NIPSNAP2: variants seen among roughly 807,000 people sequenced by gnomAD.
NIPSNAP2 encodes the protein protein NipSnap homolog 2.
In NIPSNAP2, 42 loss-of-function variants were observed where a neutral mutation model predicts 48.4. The observed-to-expected ratio is 0.87, with a 90% CI of 0.68 to 1.12. The LOEUF (loss-of-function observed/expected upper bound fraction) is 1.12, where lower values mean the gene tolerates loss of function less well. NIPSNAP2 is among the 50% of genes most tolerant of loss of function. The probability of loss-of-function intolerance (pLI) is 0.00; values close to 1 mark genes in which losing one functional copy is unlikely to be tolerated. For missense variants in NIPSNAP2, 314 were observed against 347.3 expected (o/e 0.90, Z 0.76); for synonymous variants, 158 against 126.6 (o/e 1.25, Z -1.67).
chr7:55,970,310 T>C (rs1786993880), intron 1 of NIPSNAP2, among the ~76,000 whole-genome samples: 1 of 130,622 alleles, frequency 7.7e-6, no homozygotes, highest in South Asian at 2.3e-4. Context: ...GACACTTAGA[T>C]TTTTTTTTTT....
chr7:55,994,677 C>T (rs1238470680), intron 7 of NIPSNAP2, among the ~76,000 whole-genome samples: 2 of 152,188 alleles, frequency 1.3e-5, no homozygotes, highest in Non-Finnish European at 2.9e-5. Context: ...TGTGTCACTG[C>T]ACTCCAGCCT....
chr7:55,983,619 G>A (rs1280874616), intron 5 of NIPSNAP2, 109 bp from the exon 6 acceptor site: 30 of 1,073,312 alleles, frequency 2.8e-5, no homozygotes, highest in Admixed American at 8.8e-5. Context: ...GGCCAACTGG[G>A]ACCTGTTGAT....
At chr7:55,987,931 T>G (rs764995898) in intron 7 of NIPSNAP2, among the ~76,000 whole-genome samples, 3 of 152,102 alleles carry the variant, frequency 2.0e-5, no homozygotes, top group Non-Finnish European at 4.4e-5. Flanking sequence ...GGTAAGATGG[T>G]AAATTCAATG....
chr7:55,968,397 T>C (rs1786941541), intron 1 of NIPSNAP2, among the ~76,000 whole-genome samples: 1 of 151,572 alleles, frequency 6.6e-6, no homozygotes, highest in Admixed American at 6.6e-5. Context: ...TTTTTTTTTT[T>C]TTTCCTGAGA....
chr7:55,968,714 G>A (rs1403804100), intron 1 of NIPSNAP2, among the ~76,000 whole-genome samples: 2 of 152,062 alleles, frequency 1.3e-5, no homozygotes, highest in Non-Finnish European at 2.9e-5. Context: ...ACTTTCAAAT[G>A]GTTCAGTAGA....
At position 55,976,043 on chromosome 7, in the gene NIPSNAP2, T is replaced by A. The variant is rs894959090; in HGVS notation, c.93-2083T>A. On this transcript the variant is annotated intron_variant, in intron 1 of 9. Coordinates refer to ENST00000322090, the MANE Select transcript of NIPSNAP2 (RefSeq NM_001483.3). ...AGAGCGAGATTCTCTCAAAAAAGTG[T>A]GTGTGTGTGTGTGTGTGTGTGTGTG... Among the ~76,000 whole-genome samples, 5 of 27,210 alleles carry A rather than the reference T, an allele frequency of 1.8e-4. No homozygotes were observed. In the Admixed American group the frequency reaches 1.9e-3, roughly 10 times the overall value. The allele number at this position is 27,210 out of a possible 152,430, so 17.9% of individuals were successfully genotyped here.
chr7:55,976,104 A>G lies in NIPSNAP2; in HGVS notation c.93-2022A>G, dbSNP rs540176720. Among the ~76,000 whole-genome samples the G allele has an allele frequency of 3.3e-5, 5 of 152,204 alleles. No homozygotes were observed. In the South Asian group the frequency reaches 1.0e-3, roughly 32 times the overall value. On this transcript the variant is annotated intron_variant, in intron 1 of 9. Transcript: ENST00000322090. ...GTTCAGATAGTTCAGAAGGTTATAC[A>G]ATGAAAAGAAAAAACCTTTACTCCC...
chr7:55,995,668 T>C (rs987387447), intron 8 of NIPSNAP2, among the ~76,000 whole-genome samples: 5 of 152,182 alleles, frequency 3.3e-5, no homozygotes, highest in Non-Finnish European at 7.3e-5. Context: ...CCTTTGGCTG[T>C]TGGGCAGAGG....
chr7:55,971,351 T>C lies in NIPSNAP2; in HGVS notation c.92+6650T>C, dbSNP rs78067000. 3.9e-5 allele frequency among the ~76,000 whole-genome samples: 6 copies of C among 152,318 alleles called. No homozygotes were observed. In the East Asian group the frequency reaches 9.6e-4, roughly 24 times the overall value. ...CAAGCAAATGCCACTCAGGTTCTTT[T>C]GTGTGTGCTGTGTTGATTTAGTCTC... is the stretch of plus-strand genomic sequence containing the variant. On this transcript the variant is annotated intron_variant, in intron 1 of 9. Coordinates refer to ENST00000322090, the MANE Select transcript of NIPSNAP2 (RefSeq NM_001483.3).
chr7:55,964,927 C>T (rs897276610), intron 1 of NIPSNAP2: 5 of 200,650 alleles, frequency 2.5e-5, no homozygotes, highest in African/African-American at 9.4e-5. Flanking sequence ...GCGGCTCCAC[C>T]CTCGCCCGGG....
At chr7:55,968,562 A>G (rs890065210) in intron 1 of NIPSNAP2, among the ~76,000 whole-genome samples, 1 of 151,488 alleles carries the variant, frequency 6.6e-6, no homozygotes. Flanking sequence ...ATTTTTTTGT[A>G]TTTTTAATAG....
At chr7:55,969,766 G>A (rs1399774869) in intron 1 of NIPSNAP2, among the ~76,000 whole-genome samples, 13 of 152,054 alleles carry the variant, frequency 8.5e-5, no homozygotes, top group Non-Finnish European at 1.3e-4. Flanking sequence ...GGCGAATCAC[G>A]AGGTCAGGAG....
intron 7 of NIPSNAP2, among the ~76,000 whole-genome samples, chr7:55,992,035 A>G (rs1158612475): frequency 6.6e-6 from 1 of 152,148 alleles, no homozygotes; most frequent in Non-Finnish European, 1.5e-5. Flanking sequence ...CTTAATTTCA[A>G]TAATCAGATT....
chr7:55,987,561 G>A (rs1204376200), intron 7 of NIPSNAP2, among the ~76,000 whole-genome samples: 4 of 152,174 alleles, frequency 2.6e-5, no homozygotes, highest in Admixed American at 1.3e-4. Context: ...CCGGGAGGTG[G>A]AGGTTGCAGT....
In NIPSNAP2 at chr7:55,999,277, G is replaced by T; in HGVS notation, c.*205G>T. 1.7e-6 allele frequency: 1 copy of T among 577,796 alleles called. No homozygotes were observed. Among genetic ancestry groups the T allele is most frequent in the Non-Finnish European group, 3.1e-6 (1 of 327,866 alleles). The allele number at this position is 577,796 out of a possible 1,614,324, so 35.8% of individuals were successfully genotyped here. ...GGACTGATTGTGACAGTGCCTTGTC[G>T]TCCTCTTTGAAACACCCCGTGTTGT... On this transcript the variant is annotated 3_prime_UTR_variant, in exon 10 of 10. Coordinates refer to ENST00000322090, the MANE Select transcript of NIPSNAP2 (RefSeq NM_001483.3).
chr7:55,978,939 TA>T (rs1394714308), intron 3 of NIPSNAP2: 1 of 152,682 alleles, frequency 6.5e-6, no homozygotes, highest in Non-Finnish European at 1.5e-5. Flanking sequence ...ACAGAATTTG[TA>T]AACTTTAAGA....
At chr7:55,998,452 T>C (rs955119136) in intron 9 of NIPSNAP2, among the ~76,000 whole-genome samples, 2 of 149,574 alleles carry the variant, frequency 1.3e-5, no homozygotes, top group African/African-American at 4.9e-5. Context: ...TATGGACTTT[T>C]CCTACCTCCC....
chr7:55,984,796 AT>A (rs533463378), intron 6 of NIPSNAP2, 50 bp from the exon 7 acceptor site: 3,854 of 1,330,848 alleles, frequency 2.9e-3, no homozygotes, highest in Admixed American at 3.8e-3. Flanking sequence ...CTATTTCTGT[AT>A]TTTTTTTTTC....
At position 56,000,146 on chromosome 7, in the gene NIPSNAP2, T is replaced by C. The variant is rs566482272; in HGVS notation, c.*1074T>C. ...ATGTGAATGATTTTCTCAAAGAACA[T>C]AGAAAAGTCAATAAAATCCTCTTAA... is the stretch of plus-strand genomic sequence containing the variant. On this transcript the variant is annotated 3_prime_UTR_variant, in exon 10 of 10. Coordinates refer to ENST00000322090, the MANE Select transcript of NIPSNAP2 (RefSeq NM_001483.3). 6.5e-6 allele frequency: 1 copy of C among 152,672 alleles called. No individual in the cohort carries two copies. Among genetic ancestry groups the C allele is most frequent in the African/African-American group, 2.4e-5 (1 of 41,576 alleles). 9.5% of individuals were successfully genotyped at this position (152,672 alleles called of 1,614,324 possible). A position where few individuals can be genotyped will look rare whatever the true frequency, so the allele number is the denominator to read the frequency against.
Sources: gnomAD v4.1 joint callset for allele counts (sites outside exome capture counted in the v4.1 genomes callset) on GRCh38, gnomAD v4.1.1 for gene constraint, MANE v1.5 for transcripts, NCBI Gene and HGNC (gene_info 2026-07-23, HGNC 2026-07-21) for gene names.